ABCB1: variants seen among roughly 807,000 people sequenced by gnomAD.
ABCB1 encodes the protein ATP-dependent translocase ABCB1.
Under a neutral mutation model 142.0 loss-of-function variants are expected in ABCB1, and 69 were observed. The ratio of observed to expected loss-of-function variants is 0.49; its 90% confidence interval spans 0.40 to 0.59. The LOEUF is 0.59. Ranked by LOEUF, ABCB1 falls within the 20% of genes least tolerant of loss-of-function variation. The probability of loss-of-function intolerance (pLI) is 0.00; values close to 1 mark genes in which losing one functional copy is unlikely to be tolerated. For missense variants in ABCB1, 1,326 were observed against 1,554.7 expected (o/e 0.85, Z 2.47); for synonymous variants, 532 against 539.2 (o/e 0.99, Z 0.18).
At chr7:87,674,870 AC>A (rs1029421440) in intron 1 of ABCB1, among the ~76,000 whole-genome samples, 4 of 152,056 alleles carry the variant, frequency 2.6e-5, no homozygotes, top group Non-Finnish European at 1.5e-5. Flanking sequence ...TCTGACGGTC[AC>A]CCTAAGGCTA....
At chr7:87,691,887 T>C (rs1308867342) in intron 1 of ABCB1, among the ~76,000 whole-genome samples, 1 of 152,182 alleles carries the variant, frequency 6.6e-6, no homozygotes, top group Non-Finnish European at 1.5e-5. Flanking sequence ...GCCTTGTCTC[T>C]GGGCCTACCT....
intron 25 of ABCB1, among the ~76,000 whole-genome samples, chr7:87,510,756 C>T (rs998712933): frequency 6.6e-6 from 1 of 152,044 alleles, no homozygotes; most frequent in African/African-American, 2.4e-5. Flanking sequence ...GGAAGCTCTC[C>T]CATAACCTTA....
intron 4 of ABCB1, among the ~76,000 whole-genome samples, chr7:87,575,959 C>G (rs1316683173): frequency 6.6e-6 from 1 of 152,154 alleles, no homozygotes; most frequent in East Asian, 1.9e-4. Flanking sequence ...CCCAGGAATT[C>G]AGCTCTGTCA....
rs536280785 is a variant in ABCB1, at chr7:87,688,686, C to G, written c.-331+24475G>C. ...AGACTTTATGATTTCTGTTTTAAAA[C>G]ATATGAAATATTTTTCTTAGTTCTG... On this transcript the variant is annotated intron_variant, in intron 1 of 28. Transcript: ENST00000265724. Among the ~76,000 whole-genome samples the G allele has an allele frequency of 3.9e-5, 6 of 151,930 alleles. No homozygotes were observed. The East Asian group carries it at 1.2e-3, about 29-fold the overall frequency.
chr7:87,531,498 CTG>C lies in ABCB1; in HGVS notation c.2482-3_2482-2del. 6.2e-7 allele frequency: 1 copy of C among 1,612,504 alleles called. No individual in the cohort carries two copies. Among genetic ancestry groups the C allele is most frequent in the East Asian group, 2.2e-5 (1 of 44,778 alleles). ...TTACAGCAAGCCTGGAACCTATAGC[CTG>C]CAAAACAAAACAAATTAGAGAAATT... On this transcript the variant is annotated splice_acceptor_variant and splice_polypyrimidine_tract_variant and intron_variant, in intron 20 of 27. Transcript: ENST00000622132. LOFTEE classifies it high-confidence loss of function.
chr7:87,653,744 C>T (rs1351530072), intron 1 of ABCB1, among the ~76,000 whole-genome samples: 1 of 151,804 alleles, frequency 6.6e-6, no homozygotes, highest in Non-Finnish European at 1.5e-5. Context: ...TTTTCTTTCT[C>T]CCAGGTAAGG....
rs575071926 is a variant in ABCB1, at chr7:87,554,465, C to A, written c.828-533G>T. 2.5e-4 allele frequency among the ~76,000 whole-genome samples: 38 copies of A among 152,254 alleles called. 1 individual carries two copies. Among genetic ancestry groups the A allele is most frequent in the African/African-American group, 9.1e-4 (38 of 41,542 alleles). On this transcript the variant is annotated intron_variant, in intron 8 of 27. Coordinates refer to ENST00000622132, the MANE Select transcript of ABCB1 (RefSeq NM_001348946.2). ...AACTGAGAGGTTACATGTGTGAGAG[C>A]ATTTTGAGAGTTCTGAATTGCCATG...
intron 4 of ABCB1, among the ~76,000 whole-genome samples, chr7:87,582,553 C>T (rs748628282): frequency 6.6e-6 from 1 of 152,188 alleles, no homozygotes; most frequent in Non-Finnish European, 1.5e-5. Context: ...AAGATAACAA[C>T]CCCTCACTCA....
At chr7:87,514,545 A>G (rs986248496) in intron 25 of ABCB1, among the ~76,000 whole-genome samples, 3 of 152,076 alleles carry the variant, frequency 2.0e-5, no homozygotes, top group East Asian at 3.9e-4. Flanking sequence ...CTCTCCATCA[A>G]TGATTTTGTC....
chr7:87,594,491 C>T (rs1819116625), intron 3 of ABCB1, among the ~76,000 whole-genome samples: 1 of 152,050 alleles, frequency 6.6e-6, no homozygotes, highest in African/African-American at 2.4e-5. Flanking sequence ...AAATATAAGA[C>T]TCCTAAGGTT....
chr7:87,565,032 A>G (rs1371027244), intron 7 of ABCB1, among the ~76,000 whole-genome samples: 1 of 152,224 alleles, frequency 6.6e-6, no homozygotes, highest in South Asian at 2.1e-4. Context: ...AAAAATTAAC[A>G]GAGACCTGAG....
At chr7:87,558,564 A>T (rs1240000573) in intron 8 of ABCB1, among the ~76,000 whole-genome samples, 1 of 151,932 alleles carries the variant, frequency 6.6e-6, no homozygotes, top group Non-Finnish European at 1.5e-5. Context: ...TGGTCTTATT[A>T]TCTAGTACTA....
At chr7:87,549,790 A>G in intron 13 of ABCB1, 61 bp downstream of exon 13, 2 of 1,559,128 alleles carry the variant, frequency 1.3e-6, no homozygotes, top group South Asian at 1.1e-5. Flanking sequence ...AACTTCCTGC[A>G]TAGTAGGCCT....
At chr7:87,649,721 A>G (rs1422309305) in intron 1 of ABCB1, among the ~76,000 whole-genome samples, 2 of 152,180 alleles carry the variant, frequency 1.3e-5, no homozygotes, top group Non-Finnish European at 2.9e-5. Flanking sequence ...CCCCATCCAA[A>G]TCTCATCTTG....
chr7:87,574,906 T>C (rs540357369), intron 4 of ABCB1, among the ~76,000 whole-genome samples: 1 of 152,358 alleles, frequency 6.6e-6, no homozygotes, highest in South Asian at 2.1e-4. Flanking sequence ...TTTATCTTTA[T>C]ATATCCAGTG....
intron 1 of ABCB1, among the ~76,000 whole-genome samples, chr7:87,679,278 A>G (rs1047009557): frequency 2.0e-5 from 3 of 149,240 alleles, no homozygotes; most frequent in African/African-American, 7.5e-5. Context: ...TATTTTTAGT[A>G]GAGACGGAGT....
rs200567776 is a variant in ABCB1 at position 87,544,119 on chromosome 7, T to C, written c.2211+10A>G. 3.1e-6 allele frequency: 5 copies of C among 1,613,802 alleles called. No individual in the cohort carries two copies. The South Asian group carries it at 4.4e-5, about 14-fold the overall frequency. On this transcript the variant is annotated intron_variant, in intron 17 of 27. Transcript: ENST00000622132. ...CACAAGTAAATCACACAAATGGGCA[T>C]CACACTTACCCCTATAATCTTTGAA...
intron 1 of ABCB1, among the ~76,000 whole-genome samples, chr7:87,684,250 T>C (rs1827218410): frequency 6.6e-6 from 1 of 152,202 alleles, no homozygotes; most frequent in Non-Finnish European, 1.5e-5. Flanking sequence ...TGTTAAGATG[T>C]CAGTTCTTTT....
chr7:87,571,223 A>C (rs574386245), intron 4 of ABCB1, among the ~76,000 whole-genome samples: 1 of 152,212 alleles, frequency 6.6e-6, no homozygotes, highest in Admixed American at 6.5e-5. Flanking sequence ...GGCAAGTTTG[A>C]AGAATGGGTA....
Sources: allele counts gnomAD v4.1 joint callset (sites outside exome capture counted in the v4.1 genomes callset), GRCh38; gene constraint gnomAD v4.1.1; transcripts MANE v1.5; gene names NCBI Gene and HGNC (gene_info 2026-07-23, HGNC 2026-07-21).